The following GTF3C5 variants were observed in gnomAD, a reference collection of about 807,000 sequenced individuals.
GTF3C5 encodes general transcription factor IIIC subunit 5, also known as general transcription factor 3C polypeptide 5.
A neutral mutation model predicts 61.0 loss-of-function variants in GTF3C5; 47 were observed. That is an observed-to-expected ratio of 0.77 (90% confidence interval 0.61 to 0.98). GTF3C5 has a LOEUF of 0.98. Ranked by LOEUF, GTF3C5 falls within the 50% of genes least tolerant of loss-of-function variation. GTF3C5 has a pLI of 0.00. For missense variants in GTF3C5, 659 were observed against 703.3 expected (o/e 0.94, Z 0.71); for synonymous variants, 295 against 275.4 (o/e 1.07, Z -0.71).
chr9:133,050,700 C>G, intron 3 of GTF3C5, 83 bp from the exon 4 acceptor site: 1 of 1,010,864 alleles, frequency 9.9e-7, no homozygotes, highest in Non-Finnish European at 1.5e-6. Flanking sequence ...TTGGGGGGTT[C>G]TGGGCTCCCT....
At chr9:133,049,841 A>G (rs1037450573) in intron 3 of GTF3C5, among the ~76,000 whole-genome samples, 6 of 151,760 alleles carry the variant, frequency 4.0e-5, no homozygotes, top group Non-Finnish European at 7.4e-5. Flanking sequence ...GATTTCTCCT[A>G]TGCCCCCCAG....
Position 133,056,758 on chromosome 9 carries a change from AC to A in GTF3C5, c.1251-3del. On this transcript the variant is annotated splice_polypyrimidine_tract_variant and splice_region_variant and intron_variant, in intron 9 of 10. Transcript: ENST00000372097. ...GACTTTATGTCCCAACCCTCTCCCC[AC>A]CCCCAGGTTGCAGAAGATCATTCAC... 6.3e-7 allele frequency: 1 copy of A among 1,587,836 alleles called. No individual in the cohort carries two copies. Among genetic ancestry groups the A allele is most frequent in the Non-Finnish European group, 8.6e-7 (1 of 1,166,482 alleles).
At chr9:133,052,701 A>G (rs1239850312) in intron 5 of GTF3C5, among the ~76,000 whole-genome samples, 1 of 152,242 alleles carries the variant, frequency 6.6e-6, no homozygotes, top group Non-Finnish European at 1.5e-5. Flanking sequence ...AGGGGAGGCC[A>G]GCGTAAGACA....
chr9:133,031,995 A>G (rs1849746632), intron 1 of GTF3C5, among the ~76,000 whole-genome samples: 1 of 152,202 alleles, frequency 6.6e-6, no homozygotes, highest in African/African-American at 2.4e-5. Context: ...TGGAGAACAA[A>G]GAACAGGGAA....
chr9:133,052,795 G>A (rs184956845), intron 5 of GTF3C5, among the ~76,000 whole-genome samples: 13 of 152,180 alleles, frequency 8.5e-5, no homozygotes, highest in South Asian at 4.2e-4. Context: ...TCAGGAGAGC[G>A]ACCTGTGCTG....
At chr9:133,046,382 G>A (rs1449916834) in intron 3 of GTF3C5, among the ~76,000 whole-genome samples, 2 of 152,148 alleles carry the variant, frequency 1.3e-5, no homozygotes, top group Non-Finnish European at 2.9e-5. Flanking sequence ...GTGGACTGAT[G>A]GGACCCATGC....
chr9:133,050,588 G>T (rs1164332868), intron 3 of GTF3C5, among the ~76,000 whole-genome samples, 195 bp from the exon 4 acceptor site: 1 of 152,194 alleles, frequency 6.6e-6, no homozygotes, highest in African/African-American at 2.4e-5. Flanking sequence ...GGCAGTTGTG[G>T]CTGCGTCTCT....
At chr9:133,031,285 C>A in intron 1 of GTF3C5, 121 bp downstream of exon 1, 1 of 791,598 alleles carries the variant, frequency 1.3e-6, no homozygotes, top group Non-Finnish European at 2.0e-6. Flanking sequence ...GGGTGCTGCT[C>A]GCTCTTCTGG....
At chr9:133,044,978 T>G (rs1325437699) in intron 3 of GTF3C5, among the ~76,000 whole-genome samples, 1 of 147,114 alleles carries the variant, frequency 6.8e-6, no homozygotes, top group Non-Finnish European at 1.5e-5. Context: ...ATTCTGTAAC[T>G]CAGAGGTTCT....
At chr9:133,038,858 C>T (rs1020743289) in intron 1 of GTF3C5, among the ~76,000 whole-genome samples, 1 of 152,226 alleles carries the variant, frequency 6.6e-6, no homozygotes, top group African/African-American at 2.4e-5. Flanking sequence ...GTTGCACTGC[C>T]GTATCCTCAT....
rs1202604513 is a variant in GTF3C5 at position 133,050,797 on chromosome 9, A to G, written c.587A>G (p.Asn196Ser). 7 of 1,612,992 alleles carry G rather than the reference A, an allele frequency of 4.3e-6. No homozygotes were observed. Among genetic ancestry groups the G allele is most frequent in the Non-Finnish European group, 5.1e-6 (6 of 1,179,472 alleles). Reference sequence around the variant, plus strand: ...TCTGCCCCCAGGGAAGGCTACAACAATCCCCCCATCTCAGGTGAGAATCTG... The same window carrying G: ...TCTGCCCCCAGGGAAGGCTACAACAGTCCCCCCATCTCAGGTGAGAATCTG... ...PETQHREGYN[N>S]PPISGENLIG... is the part of the protein sequence containing the mutation. Residue 196 changes from asparagine (N) to serine (S), a missense_variant, in exon 4 of 11, where the codon AAT (asparagine) becomes AGT (serine). Asn to Ser is a conservative substitution (Grantham distance 46, BLOSUM62 1). Coordinates refer to ENST00000372097, the MANE Select transcript of GTF3C5 (RefSeq NM_012087.4).
At chr9:133,030,884 G>A (rs118099172), upstream of GTF3C5, 7,945 of 1,108,000 alleles carry the variant, frequency 7.2e-3, 146 homozygotes, top group Non-Finnish European at 5.5e-3. Context: ...GTCTTGCTGA[G>A]CCCGGGGAGT....
chr9:133,043,600 C>T (rs1273980437), intron 2 of GTF3C5, 128 bp from the exon 3 acceptor site: 6 of 709,310 alleles, frequency 8.5e-6, no homozygotes, highest in Middle Eastern at 3.6e-4. Flanking sequence ...TGTTTTCCTG[C>T]CACCCTCACC....
intron 7 of GTF3C5, 61 bp downstream of exon 7, chr9:133,054,549 T>C: frequency 2.6e-6 from 4 of 1,532,210 alleles, no homozygotes; most frequent in Non-Finnish European, 3.6e-6. Context: ...GCGGGGCACC[T>C]GGACCCAGAC....
intron 1 of GTF3C5, among the ~76,000 whole-genome samples, chr9:133,038,623 G>GTT (rs80020215): frequency 0.034 from 4,731 of 139,850 alleles, 86 homozygotes; most frequent in East Asian, 0.067. Context: ...GCTAATTTTT[G>GTT]TTTTTTTTTT....
chr9:133,048,366 G>A (rs1179725029), intron 3 of GTF3C5, among the ~76,000 whole-genome samples: 2 of 152,096 alleles, frequency 1.3e-5, no homozygotes, highest in African/African-American at 4.8e-5. Flanking sequence ...GTGTGGTGGT[G>A]GGCGCCTGTA....
rs77889873 is a variant in GTF3C5 at position 133,033,730 on chromosome 9, T to C, written c.153+2566T>C. Among the ~76,000 whole-genome samples the C allele has an allele frequency of 8.3e-3, 1,268 of 152,316 alleles. 12 individuals carry two copies. Among genetic ancestry groups the C allele is most frequent in the African/African-American group, 0.022 (928 of 41,544 alleles). On this transcript the variant is annotated intron_variant, in intron 1 of 10. Transcript: ENST00000372097. ...CAAGTGGAAAGGGGACAGTCTGGGCTTCTGGTCTACTGTGTGCACAAGTGT... is the reference window on the plus strand; with the variant it reads ...CAAGTGGAAAGGGGACAGTCTGGGCCTCTGGTCTACTGTGTGCACAAGTGT...
chr9:133,033,689 C>T (rs185949775), intron 1 of GTF3C5, among the ~76,000 whole-genome samples: 10 of 152,282 alleles, frequency 6.6e-5, no homozygotes, highest in Non-Finnish European at 1.2e-4. Flanking sequence ...CATGCCCACT[C>T]GTCTGGAGGA....
At chr9:133,045,203 T>C (rs574000569) in intron 3 of GTF3C5, among the ~76,000 whole-genome samples, 19 of 152,298 alleles carry the variant, frequency 1.2e-4, no homozygotes, top group Admixed American at 1.2e-3. Flanking sequence ...TGCCAGTTAT[T>C]TCACGTCCCT....
Sources: allele counts gnomAD v4.1 joint callset (sites outside exome capture counted in the v4.1 genomes callset), GRCh38; gene constraint gnomAD v4.1.1; transcripts MANE v1.5; gene names NCBI Gene and HGNC (gene_info 2026-07-23, HGNC 2026-07-21).